The following PAX9 variants were observed in gnomAD, a reference collection of about 807,000 sequenced individuals.
The protein encoded by PAX9 is paired box protein Pax-9.
A neutral mutation model predicts 29.1 loss-of-function variants in PAX9; 6 were observed. That is an observed-to-expected ratio of 0.21 (90% CI 0.11 to 0.41). PAX9 has a LOEUF of 0.41. Among genes scored for constraint, PAX9 ranks in the 10% least tolerant of loss-of-function variants. The pLI is 1.00. For synonymous variants in PAX9, 217 were observed against 211.7 expected, an observed-to-expected ratio of 1.03 and a Z score of -0.22; for missense variants, 443 against 479.1, an observed-to-expected ratio of 0.92 and a Z score of 0.70.
intron 2 of PAX9, among the ~76,000 whole-genome samples, chr14:36,664,585 T>A (rs1881419970): frequency 7.0e-6 from 1 of 143,372 alleles, no homozygotes; most frequent in African/African-American, 2.5e-5. Context: ...TTTTTTTTTT[T>A]AAGGCGTTAA....
chr14:36,676,134 A>C (rs747312466), intron 3 of PAX9, 64 bp from the exon 4 acceptor site: 49 of 1,560,840 alleles, frequency 3.1e-5, no homozygotes, highest in Non-Finnish European at 4.0e-5. Context: ...CTTCTTTCTA[A>C]GAACGTGTGA....
In PAX9 at chr14:36,677,555, A is replaced by G. The variant is rs1392208276; in HGVS notation, c.*1103A>G. The G allele has an allele frequency of 6.6e-6, 1 of 152,168 alleles. No homozygotes were observed. The highest frequency in any genetic ancestry group is 2.4e-5 in the African/African-American group (1 of 41,424). 9.4% of individuals were successfully genotyped at this position (152,168 alleles called of 1,614,324 possible). ...TGTTAAGAAAACCACTGTGAAACTAAATTGTCCTATTATTGTTGGCTTACC... is the reference window on the plus strand; with the variant it reads ...TGTTAAGAAAACCACTGTGAAACTAGATTGTCCTATTATTGTTGGCTTACC... On this transcript the variant is annotated 3_prime_UTR_variant, in exon 4 of 4. Coordinates refer to ENST00000361487, the MANE Select transcript of PAX9 (RefSeq NM_001372076.1).
intron 3 of PAX9, among the ~76,000 whole-genome samples, chr14:36,668,772 T>G (rs538774419): frequency 2.0e-5 from 3 of 152,296 alleles, no homozygotes; most frequent in Admixed American, 6.5e-5. Flanking sequence ...ACTTCAAAAC[T>G]AAACTGACAA....
At chr14:36,660,997 CG>C (rs1566464948), upstream of PAX9, among the ~76,000 whole-genome samples, 1 of 152,244 alleles carries the variant, frequency 6.6e-6, no homozygotes, top group East Asian at 1.9e-4. Flanking sequence ...AAAACTCTTT[CG>C]AGAGGGCTCG....
In PAX9 at chr14:36,677,474, T is replaced by C. The variant is rs562090546; in HGVS notation, c.*1022T>C. On this transcript the variant is annotated 3_prime_UTR_variant, in exon 4 of 4. Transcript: ENST00000361487. ...ACAAGAAGGCTCTAAAGGAAGTCAC[T>C]TAGAAACTTAAGTTTAATGTGAAAT... is the stretch of plus-strand genomic sequence containing the variant. 1.1e-4 allele frequency: 17 copies of C among 152,364 alleles called. No homozygotes were observed. Among genetic ancestry groups the C allele is most frequent in the African/African-American group, 3.6e-4 (15 of 41,580 alleles). 9.4% of individuals were successfully genotyped at this position (152,364 alleles called of 1,614,324 possible).
chr14:36,662,336 AG>A (rs1742504929), intron 1 of PAX9, among the ~76,000 whole-genome samples: 1 of 152,172 alleles, frequency 6.6e-6, no homozygotes, highest in East Asian at 1.9e-4. Flanking sequence ...AAGAGAAGGG[AG>A]CTGTGGCATC....
intron 1 of PAX9, among the ~76,000 whole-genome samples, 175 bp downstream of exon 1, chr14:36,662,268 C>CA (rs906634318): frequency 6.6e-6 from 1 of 152,134 alleles, no homozygotes; most frequent in Non-Finnish European, 1.5e-5. Flanking sequence ...CAGCGGCGCA[C>CA]AGCAGTTCAA....
chr14:36,665,753 C>A (rs1358467499), intron 2 of PAX9, among the ~76,000 whole-genome samples: 1 of 152,124 alleles, frequency 6.6e-6, no homozygotes, highest in Non-Finnish European at 1.5e-5. Flanking sequence ...CACTAACACC[C>A]ATGGCATGTA....
rs1183699786 is a variant in PAX9 at position 36,678,523 on chromosome 14, A to C, written c.*2071A>C. On this transcript the variant is annotated 3_prime_UTR_variant, in exon 4 of 4. Coordinates refer to ENST00000361487, the MANE Select transcript of PAX9 (RefSeq NM_001372076.1). The stretch of plus-strand genomic sequence containing the variant: ...AGACTATAAACTGAATGGAACAAAG[A>C]TCCAATCCAATATTTTGGTGGAGAC... 1.3e-6 allele frequency: 2 copies of C among 1,536,846 alleles called. No individual in the cohort carries two copies. Among genetic ancestry groups the C allele is most frequent in the Non-Finnish European group, 1.7e-6 (2 of 1,146,740 alleles).
intron 3 of PAX9, among the ~76,000 whole-genome samples, chr14:36,670,106 T>G (rs1881649751): frequency 6.6e-6 from 1 of 152,070 alleles, no homozygotes; most frequent in South Asian, 2.1e-4. Flanking sequence ...CTCAATTTTA[T>G]TCAAACTATA....
chr14:36,664,278 G>A lies in PAX9; in HGVS notation c.631+755G>A, dbSNP rs546201892. On this transcript the variant is annotated intron_variant, in intron 2 of 3. Transcript: ENST00000361487. ...AAGTGGCATCAGCCACTGCAGTGAT[G>A]GAGATAAAATGCAGGCAATTCCATG... Among the ~76,000 whole-genome samples, 3 of 152,284 alleles carry A rather than the reference G, an allele frequency of 2.0e-5. No individual in the cohort carries two copies. The South Asian group carries it at 6.2e-4, about 32-fold the overall frequency.
chr14:36,676,511 C>T lies in PAX9; in HGVS notation c.*59C>T. On this transcript the variant is annotated 3_prime_UTR_variant, in exon 4 of 4. Coordinates refer to ENST00000361487, the MANE Select transcript of PAX9 (RefSeq NM_001372076.1). ...TCTCCCTGTCTCAGCACCTCCTCCC[C>T]CAATTCCCAGGTCTCACATCCCACC... 2 of 1,594,074 alleles carry T rather than the reference C, an allele frequency of 1.3e-6. No homozygotes were observed. The highest frequency in any genetic ancestry group is 2.2e-5 in the South Asian group (2 of 90,096).
chr14:36,667,564 T>G lies in PAX9; in HGVS notation c.771+963T>G, dbSNP rs556407412. Among the ~76,000 whole-genome samples the G allele has an allele frequency of 7.9e-5, 12 of 152,344 alleles. No individual in the cohort carries two copies. In the East Asian group the frequency reaches 2.1e-3, roughly 27 times the overall value. On this transcript the variant is annotated intron_variant, in intron 3 of 3. Coordinates refer to ENST00000361487, the MANE Select transcript of PAX9 (RefSeq NM_001372076.1). ...TTATTATTTTGAAGACTTAAAATTT[T>G]TAATGCTTTTTTGTCTGTCAAAATC...
At position 36,664,568 on chromosome 14, in the gene PAX9, G is replaced by GGTTTTT. The variant is rs1161471989; in HGVS notation, c.631+1045_631+1046insGTTTTT. On this transcript the variant is annotated intron_variant, in intron 2 of 3. Transcript: ENST00000361487. ...ACCTGAGTTTGTTTTCTTTTACTGA[G>GGTTTTT]TTTTTTTTTTTTTTTTTAAGGCGTT... Among the ~76,000 whole-genome samples the GGTTTTT allele has an allele frequency of 5.1e-3, 725 of 142,008 alleles. 3 individuals are homozygous for GGTTTTT. The highest frequency in any genetic ancestry group is 0.017 in the African/African-American group (660 of 38,278). 93.2% of individuals were successfully genotyped at this position (142,008 alleles called of 152,430 possible). A position where few individuals can be genotyped will look rare whatever the true frequency, so the allele number is the denominator to read the frequency against.
chr14:36,675,711 T>G (rs1881860721), intron 3 of PAX9, among the ~76,000 whole-genome samples: 1 of 152,218 alleles, frequency 6.6e-6, no homozygotes, highest in Non-Finnish European at 1.5e-5. Context: ...GTGTTTGTTG[T>G]GCGTTTCTAA....
chr14:36,661,903 G>T lies in PAX9; in HGVS notation c.-187G>T. On this transcript the variant is annotated 5_prime_UTR_variant, in exon 1 of 4. Transcript: ENST00000361487. ...GCTTAGATTGAAATGCAGAACTCAA[G>T]CCTCTTTCATCGGGGCACAGACTTC... is the stretch of plus-strand genomic sequence containing the variant. 1 of 714,226 alleles carries T rather than the reference G, an allele frequency of 1.4e-6. No individual in the cohort carries two copies. The highest frequency in any genetic ancestry group is 2.5e-6 in the Non-Finnish European group (1 of 405,740). The allele number at this position is 714,226 out of a possible 1,614,324, so 44.2% of individuals were successfully genotyped here.
At chr14:36,662,785 G>A in intron 1 of PAX9, 112 bp from the exon 2 acceptor site, 1 of 1,316,506 alleles carries the variant, frequency 7.6e-7, no homozygotes, top group South Asian at 1.3e-5. Context: ...CCAGTAGTTA[G>A]TAGGGGACGG....
chr14:36,679,224 A>C lies in PAX9; in HGVS notation c.*2772A>C, dbSNP rs914752111. On this transcript the variant is annotated 3_prime_UTR_variant, in exon 4 of 4. Coordinates refer to ENST00000361487, the MANE Select transcript of PAX9 (RefSeq NM_001372076.1). Reference sequence around the variant, plus strand: ...TTTGTTTTTAATGACCCTTTTATTGAATATTGGACTGAAATATAAATTTTA... The same window carrying C: ...TTTGTTTTTAATGACCCTTTTATTGCATATTGGACTGAAATATAAATTTTA... 1.0e-6 allele frequency: 1 copy of C among 984,396 alleles called. No homozygotes were observed. Among genetic ancestry groups the C allele is most frequent in the Non-Finnish European group, 1.2e-6 (1 of 829,164 alleles). The allele number at this position is 984,396 out of a possible 1,614,324, so 61.0% of individuals were successfully genotyped here.
upstream of PAX9, among the ~76,000 whole-genome samples, chr14:36,658,133 A>G (rs946679502): frequency 6.6e-6 from 1 of 152,142 alleles, no homozygotes; most frequent in African/African-American, 2.4e-5. Flanking sequence ...CTTACCCTGC[A>G]AGACGGGGAC....
Sources: gnomAD v4.1 joint callset for allele counts (sites outside exome capture counted in the v4.1 genomes callset) on GRCh38, gnomAD v4.1.1 for gene constraint, MANE v1.5 for transcripts, NCBI Gene and HGNC (gene_info 2026-07-23, HGNC 2026-07-21) for gene names.